Variants in PRDM10 observed in about 807,000 individuals in gnomAD.
PRDM10 encodes the protein PR/SET domain 10.
In PRDM10, 65 loss-of-function variants were observed where a neutral mutation model predicts 133.1. That is an observed-to-expected ratio of 0.49 (90% CI 0.40 to 0.60). The LOEUF is 0.60. Ranked by LOEUF, PRDM10 falls within the 20% of genes least tolerant of loss-of-function variation. The pLI, the probability that PRDM10 is intolerant of heterozygous loss-of-function variation, is 0.00. For synonymous variants in PRDM10, 582 were observed against 580.4 expected (o/e 1.00, Z -0.04); for missense variants, 1,137 against 1,507.1 (o/e 0.75, Z 4.07).
At chr11:129,972,159 C>T (rs986471400) in intron 1 of PRDM10, among the ~76,000 whole-genome samples, 1 of 152,230 alleles carries the variant, frequency 6.6e-6, no homozygotes, top group African/African-American at 2.4e-5. Context: ...CTCCAGCTGG[C>T]CCGCAAGCGC....
At chr11:129,992,601 G>A (rs1225853791) in intron 1 of PRDM10, among the ~76,000 whole-genome samples, 1 of 152,116 alleles carries the variant, frequency 6.6e-6, no homozygotes, top group Non-Finnish European at 1.5e-5. Flanking sequence ...ACTTGATCTC[G>A]AGGGAACCAG....
intron 11 of PRDM10, 102 bp from the exon 12 acceptor site, chr11:129,925,331 C>G: frequency 1.2e-5 from 14 of 1,134,850 alleles, no homozygotes; most frequent in Non-Finnish European, 1.7e-5. Flanking sequence ...CAATCACAGA[C>G]TTCCCATAGA....
At chr11:129,928,168 T>A (rs373579315) in intron 11 of PRDM10, among the ~76,000 whole-genome samples, 11 of 149,698 alleles carry the variant, frequency 7.3e-5, no homozygotes, top group African/African-American at 2.5e-4. Context: ...TGTTATGGCA[T>A]GATCATAGCT....
At chr11:129,994,599 A>C (rs1438267024) in intron 1 of PRDM10, among the ~76,000 whole-genome samples, 1 of 152,074 alleles carries the variant, frequency 6.6e-6, no homozygotes, top group Non-Finnish European at 1.5e-5. Flanking sequence ...ACAGTGAGAC[A>C]CTGTCTCTAA....
At chr11:129,930,776 AG>A (rs1370220786) in intron 11 of PRDM10, among the ~76,000 whole-genome samples, 5 of 152,226 alleles carry the variant, frequency 3.3e-5, no homozygotes, top group African/African-American at 9.6e-5. Flanking sequence ...GCCAACCTCT[AG>A]GCCTCTGTGT....
rs768995292 is a variant in PRDM10 at position 129,910,484 on chromosome 11, C to T, written c.3155G>A (p.Arg1052His). ...TYLPSAWNSF[R>H]GYSSEIQMMT... Reference sequence around the variant, plus strand: ...CGTCCCTTCTTACTTACAATAGCCACGGAAGGAATTCCAAGCACTGGGCAG... The same window carrying T: ...CGTCCCTTCTTACTTACAATAGCCATGGAAGGAATTCCAAGCACTGGGCAG... The change falls in exon 19 of 21, where the codon CGT becomes CAT. Residue 1052 changes from arginine (R) to histidine (H), a missense_variant. Transcript: ENST00000360871. The T allele has an allele frequency of 8.7e-6, 14 of 1,614,060 alleles. No individual in the cohort carries two copies. Among genetic ancestry groups the T allele is most frequent in the Non-Finnish European group, 1.1e-5 (13 of 1,180,032 alleles).
chr11:129,942,317 C>A, intron 7 of PRDM10, 109 bp downstream of exon 7: 1 of 1,096,006 alleles, frequency 9.1e-7, no homozygotes. Context: ...AAATGACCCC[C>A]CTCCCCCTTT....
chr11:129,938,213 A>C (rs1229107088), intron 7 of PRDM10, among the ~76,000 whole-genome samples: 1 of 151,686 alleles, frequency 6.6e-6, no homozygotes. Flanking sequence ...AGGTGGCCAC[A>C]TTCATTTCCA....
chr11:129,937,161 C>A (rs566118091), intron 8 of PRDM10, among the ~76,000 whole-genome samples: 1 of 152,292 alleles, frequency 6.6e-6, no homozygotes, highest in African/African-American at 2.4e-5. Context: ...CACAGTAACG[C>A]TGTTTCTTGA....
At position 129,981,113 on chromosome 11, in the gene PRDM10, C is replaced by T. The variant is rs538474137; in HGVS notation, c.-118-20031G>A. 3.9e-5 allele frequency among the ~76,000 whole-genome samples: 6 copies of T among 152,094 alleles called. No homozygotes were observed. In the South Asian group the frequency reaches 1.0e-3, roughly 26 times the overall value. On this transcript the variant is annotated intron_variant, in intron 1 of 20. Coordinates refer to ENST00000360871, the MANE Select transcript of PRDM10 (RefSeq NM_199437.2). ...CTCCAACTCCTGACCTCAGGTGATCCGCCTGCCCGGGCCTCCCAAAGTGCT... is the reference window on the plus strand; with the variant it reads ...CTCCAACTCCTGACCTCAGGTGATCTGCCTGCCCGGGCCTCCCAAAGTGCT...
chr11:129,994,884 A>G (rs1938966551), intron 1 of PRDM10, among the ~76,000 whole-genome samples: 1 of 152,020 alleles, frequency 6.6e-6, no homozygotes, highest in Non-Finnish European at 1.5e-5. Flanking sequence ...TGATCTCCTG[A>G]CCTCGTGATC....
intron 20 of PRDM10, among the ~76,000 whole-genome samples, chr11:129,902,820 A>G (rs921476147): frequency 2.0e-4 from 30 of 152,164 alleles, no homozygotes; most frequent in Middle Eastern, 3.2e-3. Context: ...CAATGCTCCT[A>G]ATGATTTACA....
intron 6 of PRDM10, among the ~76,000 whole-genome samples, chr11:129,944,058 A>G (rs552965262): frequency 1.3e-5 from 2 of 152,308 alleles, no homozygotes; most frequent in South Asian, 2.1e-4. Flanking sequence ...ACGTGGACAC[A>G]TGCAAGCACC....
rs147622918 is a variant in PRDM10 at position 129,905,639 on chromosome 11, G to A, written c.3266C>T (p.Ser1089Leu). ...ACCCGACCGAGTAGCGTAGCTTACC[G>A]AAGTAACCGCCTTCACCTGGCCAGT... ...VTTGQVKAVTSGHYVLSESQS... is the reference protein window; with the variant it reads ...VTTGQVKAVTLGHYVLSESQS... Residue 1089 changes from serine to leucine, a missense_variant and splice_region_variant, in exon 20 of 21, where the codon TCG (serine) becomes TTG (leucine). By Grantham distance (145) the Ser-to-Leu change is moderately radical. Coordinates refer to ENST00000360871, the MANE Select transcript of PRDM10 (RefSeq NM_199437.2). 478 of 1,613,448 alleles carry A rather than the reference G, an allele frequency of 3.0e-4. 1 individual carries two copies. Among genetic ancestry groups the A allele is most frequent in the Non-Finnish European group, 1.4e-4 (168 of 1,179,404 alleles).
chr11:129,972,759 T>C (rs1387067126), intron 1 of PRDM10, among the ~76,000 whole-genome samples: 2 of 152,242 alleles, frequency 1.3e-5, no homozygotes, highest in Non-Finnish European at 2.9e-5. Flanking sequence ...TTCTTTAAGC[T>C]TGTGGCCCTT....
intron 1 of PRDM10, among the ~76,000 whole-genome samples, chr11:129,992,567 C>T (rs1231810526): frequency 6.6e-6 from 1 of 152,184 alleles, no homozygotes; most frequent in Non-Finnish European, 1.5e-5. Context: ...GCTCTCCCAC[C>T]AGATGACGCA....
intron 19 of PRDM10, among the ~76,000 whole-genome samples, chr11:129,909,212 G>A (rs1950105749): frequency 1.3e-5 from 2 of 151,856 alleles, no homozygotes; most frequent in Non-Finnish European, 2.9e-5. Context: ...CACTTTGAGA[G>A]GCTGAAGTGG....
At chr11:129,956,488 C>T (rs991828407) in intron 3 of PRDM10, among the ~76,000 whole-genome samples, 12 of 152,060 alleles carry the variant, frequency 7.9e-5, no homozygotes, top group Admixed American at 1.3e-4. Context: ...CACTTGAACC[C>T]GGGAGGTAGA....
chr11:129,926,386 A>G (rs1239123296), intron 11 of PRDM10, among the ~76,000 whole-genome samples: 1 of 152,176 alleles, frequency 6.6e-6, no homozygotes, highest in Non-Finnish European at 1.5e-5. Flanking sequence ...AAAGCTCTAG[A>G]TTGCTACAAG....
Sources: gnomAD v4.1 joint callset for allele counts (sites outside exome capture counted in the v4.1 genomes callset) on GRCh38, gnomAD v4.1.1 for gene constraint, MANE v1.5 for transcripts, NCBI Gene and HGNC (gene_info 2026-07-23, HGNC 2026-07-21) for gene names.